The following SPATA6L variants were observed in gnomAD, a reference collection of about 807,000 sequenced individuals.
SPATA6L encodes spermatogenesis associated 6-like protein.
Under a neutral mutation model 49.2 loss-of-function variants are expected in SPATA6L, and 68 were observed. That is an observed-to-expected ratio of 1.38 (90% CI 1.14 to 1.69). The LOEUF (loss-of-function observed/expected upper bound fraction) is 1.69. Ranked by LOEUF, SPATA6L falls within the 40% of genes most tolerant of loss-of-function variation. The pLI, the probability that SPATA6L is intolerant of heterozygous loss-of-function variation, is 0.00. For synonymous variants in SPATA6L, 198 were observed against 165.7 expected, an observed-to-expected ratio of 1.19 and a Z score of -1.50; for missense variants, 668 against 464.3, an observed-to-expected ratio of 1.44 and a Z score of -4.03.
chr9:4,598,428 A>G lies in SPATA6L; in HGVS notation c.*2383T>C, dbSNP rs994450996. ...CCAAAAGCAAAATACTTCAACTGCA[A>G]TCCTTGCCCCAGCATGATTCCTCAA... is the stretch of plus-strand genomic sequence containing the variant. On this transcript the variant is annotated 3_prime_UTR_variant, in exon 12 of 12. Transcript: ENST00000682582. Among the ~76,000 whole-genome samples, 4 of 152,238 alleles carry G rather than the reference A, an allele frequency of 2.6e-5. No homozygotes were observed. Among genetic ancestry groups the G allele is most frequent in the African/African-American group, 9.6e-5 (4 of 41,462 alleles).
chr9:4,666,115 G>C (rs1325851283), intron 1 of SPATA6L, 97 bp downstream of exon 1: 14 of 1,034,730 alleles, frequency 1.4e-5, no homozygotes, highest in Non-Finnish European at 2.1e-5. Context: ...ATGTGTTTGT[G>C]GTAAGTGGGG....
chr9:4,604,649 G>A (rs1402098304), intron 10 of SPATA6L, among the ~76,000 whole-genome samples: 1 of 152,184 alleles, frequency 6.6e-6, no homozygotes, highest in Non-Finnish European at 1.5e-5. Context: ...TACCCTGATG[G>A]TTAGGGCAAA....
Position 4,662,132 on chromosome 9 carries a change from C to T in SPATA6L, c.40-96G>A. On this transcript the variant is annotated intron_variant, in intron 1 of 11. Coordinates refer to ENST00000682582, the MANE Select transcript of SPATA6L (RefSeq NM_001353486.2). The surrounding 1 kb of genome is among the most constrained non-coding windows in gnomAD (Gnocchi z 4.9). ...TATTTCTCTTAAGCTCCTACAGACA[C>T]TGACATTTTCCCCATCACCTCACTC... 1.1e-5 allele frequency: 16 copies of T among 1,510,102 alleles called. No homozygotes were observed. In the Middle Eastern group the frequency reaches 5.4e-4, roughly 51 times the overall value. The allele number at this position is 1,510,102 out of a possible 1,614,324, so 93.5% of individuals were successfully genotyped here.
At chr9:4,617,775 T>A (rs548162126) in intron 9 of SPATA6L, 148 bp downstream of exon 9, 1 of 653,810 alleles carries the variant, frequency 1.5e-6, no homozygotes, top group African/African-American at 1.8e-5. Flanking sequence ...GACTTTTGGG[T>A]AGATTTTAAA....
intron 3 of SPATA6L, chr9:4,646,463 G>C (rs1216780426): frequency 6.7e-7 from 1 of 1,490,222 alleles, no homozygotes; most frequent in Non-Finnish European, 9.0e-7. Flanking sequence ...AGCTAATTTA[G>C]AAACGGATTT....
rs1829535977 is a variant in SPATA6L at position 4,622,421 on chromosome 9, A to G, written c.759T>C (p.Phe253=). ...RRKSKFSDFP[F]PTRRASSLDS... ...AAACTCGAGTACCTCTTCTCGTTGG[A>G]AACGGAAAGTCTGAAAACTTAGATT... Residue 253 remains phenylalanine (F), a synonymous_variant, in exon 7 of 12, where the codon TTT becomes TTC. Transcript: ENST00000682582. 6.2e-7 allele frequency: 1 copy of G among 1,611,096 alleles called. No homozygotes were observed. Among genetic ancestry groups the G allele is most frequent in the Admixed American group, 1.7e-5 (1 of 59,992 alleles).
intron 2 of SPATA6L, among the ~76,000 whole-genome samples, chr9:4,656,734 T>C (rs1287370768): frequency 6.6e-6 from 1 of 152,222 alleles, no homozygotes; most frequent in East Asian, 1.9e-4. Context: ...CTAGCTCTAC[T>C]GTTTGTTGCT....
At chr9:4,608,352 GCAC>G (rs1405631479) in intron 9 of SPATA6L, among the ~76,000 whole-genome samples, 5 of 59,804 alleles carry the variant, frequency 8.4e-5, no homozygotes, top group Non-Finnish European at 1.5e-4. Context: ...ATTTTTTTCA[GCAC>G]CACACCACAC....
chr9:4,590,908 A>G (rs1488626510), intron 13 of SPATA6L, among the ~76,000 whole-genome samples: 1 of 152,224 alleles, frequency 6.6e-6, no homozygotes, highest in African/African-American at 2.4e-5. Flanking sequence ...AACTCAGGAA[A>G]GCCATTACCA....
Position 4,662,728 on chromosome 9 carries a change from G to C in SPATA6L, c.40-692C>G, listed in dbSNP as rs1587570924. 2.5e-6 allele frequency: 4 copies of C among 1,602,932 alleles called. No homozygotes were observed. The highest frequency in any genetic ancestry group is 3.4e-6 in the Non-Finnish European group (4 of 1,179,938). ...GACCTGTGGCTGTCCAAGAAGCTGG[G>C]GGTGTGCGCGGGAGAGAGCTCGTCG... On this transcript the variant is annotated intron_variant, in intron 1 of 11. Coordinates refer to ENST00000682582, the MANE Select transcript of SPATA6L (RefSeq NM_001353486.2). The surrounding 1 kb of genome is among the most constrained non-coding windows in gnomAD (Gnocchi z 4.9).
chr9:4,594,880 A>C (rs142266076), downstream of SPATA6L, among the ~76,000 whole-genome samples: 122 of 152,330 alleles, frequency 8.0e-4, no homozygotes, highest in African/African-American at 2.9e-3. Context: ...GGATTAAAAA[A>C]ATACTAAACA....
At chr9:4,632,342 T>C (rs1831780910) in intron 4 of SPATA6L, among the ~76,000 whole-genome samples, 1 of 151,988 alleles carries the variant, frequency 6.6e-6, no homozygotes, top group African/African-American at 2.4e-5. Context: ...ATGCCTGTAA[T>C]CCCAGCACTT....
chr9:4,658,230 A>G (rs1046339038), intron 2 of SPATA6L, among the ~76,000 whole-genome samples: 16 of 152,156 alleles, frequency 1.1e-4, no homozygotes, highest in African/African-American at 3.9e-4. Flanking sequence ...ATATCTAAGG[A>G]TTTTCTCAAG....
intron 9 of SPATA6L, among the ~76,000 whole-genome samples, chr9:4,606,769 C>G (rs537951697): frequency 2.0e-5 from 3 of 147,612 alleles, no homozygotes. Context: ...AGTTCCTCAC[C>G]AGCAATGGAA....
downstream of SPATA6L, among the ~76,000 whole-genome samples, chr9:4,597,683 T>C (rs1175916765): frequency 6.6e-6 from 1 of 152,138 alleles, no homozygotes; most frequent in Non-Finnish European, 1.5e-5. Context: ...AGCAAAGGGT[T>C]GGGGCTCTCA....
intron 7 of SPATA6L, among the ~76,000 whole-genome samples, 168 bp from the exon 8 acceptor site, chr9:4,619,066 G>A (rs994034450): frequency 4.0e-5 from 6 of 151,852 alleles, no homozygotes; most frequent in African/African-American, 1.2e-4. Context: ...AGTCTCCCTT[G>A]AGCCACTTCA....
rs1178274068 is a variant in SPATA6L at position 4,662,306 on chromosome 9, G to A, written c.40-270C>T. Reference sequence around the variant, plus strand: ...CCTCCGGGATGGTAGTGCGGAAGCGGAAGAGGCTGCAGGGCCGGGAAGCCT... The same window carrying A: ...CCTCCGGGATGGTAGTGCGGAAGCGAAAGAGGCTGCAGGGCCGGGAAGCCT... On this transcript the variant is annotated intron_variant, in intron 1 of 11. Transcript: ENST00000682582. The surrounding 1 kb of genome is among the most constrained non-coding windows in gnomAD (Gnocchi z 4.9). 1 of 1,436,242 alleles carries A rather than the reference G, an allele frequency of 7.0e-7. No homozygotes were observed. Among genetic ancestry groups the A allele is most frequent in the Non-Finnish European group, 9.1e-7 (1 of 1,100,466 alleles). 89.0% of individuals were successfully genotyped at this position (1,436,242 alleles called of 1,614,324 possible).
intron 7 of SPATA6L, among the ~76,000 whole-genome samples, chr9:4,620,308 C>T (rs1181901547): frequency 6.6e-6 from 1 of 152,150 alleles, no homozygotes; most frequent in African/African-American, 2.4e-5. Context: ...AACCTCCTTC[C>T]TCCTGTGGCT....
intron 13 of SPATA6L, among the ~76,000 whole-genome samples, chr9:4,593,240 C>T (rs565331027): frequency 1.3e-5 from 2 of 152,220 alleles, no homozygotes; most frequent in Non-Finnish European, 2.9e-5. Flanking sequence ...TACAAGCTTT[C>T]TAATCATGAC....
Sources: allele counts gnomAD v4.1 joint callset (sites outside exome capture counted in the v4.1 genomes callset), GRCh38; gene constraint gnomAD v4.1.1; non-coding constraint Gnocchi (gnomAD v3.1); transcripts MANE v1.5; gene names NCBI Gene and HGNC (gene_info 2026-07-23, HGNC 2026-07-21).